The following ZFHX3 variants were observed in gnomAD, a reference collection of about 807,000 sequenced individuals.
The protein encoded by ZFHX3 is zinc finger homeobox 3.
Under a neutral mutation model 279.1 loss-of-function variants are expected in ZFHX3, and 42 were observed. The ratio of observed to expected loss-of-function variants is 0.15; its 90% CI spans 0.12 to 0.19. The LOEUF (loss-of-function observed/expected upper bound fraction) is 0.19, where lower values mean the gene tolerates loss of function less well. Ranked by LOEUF, ZFHX3 falls within the 10% of genes least tolerant of loss-of-function variation. The pLI, the probability that ZFHX3 is intolerant of heterozygous loss-of-function variation, is 1.00. For synonymous variants in ZFHX3, 2,293 were observed against 1,957.8 expected, an observed-to-expected ratio of 1.17 and a Z score of -4.52; for missense variants, 4,981 against 4,754.0, an observed-to-expected ratio of 1.05 and a Z score of -1.40.
rs575590625 is a variant in ZFHX3 at position 73,842,743 on chromosome 16, C to T, written c.-1608+48908G>A. Among the ~76,000 whole-genome samples the T allele has an allele frequency of 3.9e-5, 6 of 152,262 alleles. No individual in the cohort carries two copies. In the East Asian group the frequency reaches 9.7e-4, roughly 24 times the overall value. On this transcript the variant is annotated intron_variant, in intron 1 of 17. Transcript: ENST00000641206. ...CCTAACACTTCCACACACGGAGGTTCCAGGGTAGGGGCTGCGCAACCACCA... is the reference window on the plus strand; with the variant it reads ...CCTAACACTTCCACACACGGAGGTTTCAGGGTAGGGGCTGCGCAACCACCA...
chr16:73,517,834 C>T (rs983115715), intron 2 of ZFHX3, among the ~76,000 whole-genome samples: 2 of 152,120 alleles, frequency 1.3e-5, no homozygotes, highest in Non-Finnish European at 2.9e-5. Context: ...TGTTTTCTAA[C>T]AGAAATATCA....
chr16:73,282,414 T>A (rs2014480382), intron 4 of ZFHX3, among the ~76,000 whole-genome samples: 1 of 152,238 alleles, frequency 6.6e-6, no homozygotes, highest in Non-Finnish European at 1.5e-5. Flanking sequence ...TTATCTGTAA[T>A]TCTGTTATCT....
At chr16:73,401,705 A>G (rs1415069967) in intron 3 of ZFHX3, 1 of 152,200 alleles carries the variant, frequency 6.6e-6, no homozygotes, top group Non-Finnish European at 1.5e-5. Flanking sequence ...AAAGTGTACT[A>G]AAAATTCAAA....
At chr16:73,647,124 T>A (rs1297238728) in intron 2 of ZFHX3, among the ~76,000 whole-genome samples, 1 of 151,584 alleles carries the variant, frequency 6.6e-6, no homozygotes, top group East Asian at 2.0e-4. Context: ...GCCATTCTCC[T>A]GCCTCAGCCT....
At chr16:73,448,685 C>CTTGTGT (rs1555517513) in intron 3 of ZFHX3, among the ~76,000 whole-genome samples, 1 of 142,090 alleles carries the variant, frequency 7.0e-6, no homozygotes, top group African/African-American at 2.6e-5. Context: ...TATTTATATA[C>CTTGTGT]GTGTGTGTGT....
At chr16:73,734,088 C>T (rs1328765788) in intron 1 of ZFHX3, among the ~76,000 whole-genome samples, 1 of 152,126 alleles carries the variant, frequency 6.6e-6, no homozygotes, top group African/African-American at 2.4e-5. Flanking sequence ...CTCACATGCT[C>T]AATTCACAAT....
intron 1 of ZFHX3, among the ~76,000 whole-genome samples, chr16:73,728,040 A>G (rs2053536774): frequency 1.4e-5 from 1 of 70,440 alleles, no homozygotes; most frequent in Admixed American, 2.2e-4. Flanking sequence ...CCAATAATTC[A>G]TATGTTGAAG....
intron 5 of ZFHX3, among the ~76,000 whole-genome samples, chr16:73,252,868 C>T (rs2013551329): frequency 6.6e-6 from 1 of 152,168 alleles, no homozygotes; most frequent in Non-Finnish European, 1.5e-5. Context: ...AAGGAACAAC[C>T]AATGCAACCA....
chr16:73,248,858 TGG>T (rs1481013859), intron 5 of ZFHX3, among the ~76,000 whole-genome samples: 4 of 152,158 alleles, frequency 2.6e-5, no homozygotes, highest in African/African-American at 9.7e-5. Context: ...CTGAGCAGGA[TGG>T]TATTTTAAAA....
At position 72,787,084 on chromosome 16, in the gene ZFHX3, C is replaced by A; in HGVS notation, c.*80G>T. On this transcript the variant is annotated 3_prime_UTR_variant, in exon 10 of 10. Coordinates refer to ENST00000268489, the MANE Select transcript of ZFHX3 (RefSeq NM_006885.4). ...TTTTTGGTTAGAAGCTTTGGAATTG[C>A]AGTTAGTCTATTTTTGAAATTGGTT... The A allele has an allele frequency of 9.6e-7, 1 of 1,042,030 alleles. No homozygotes were observed. Among genetic ancestry groups the A allele is most frequent in the African/African-American group, 1.9e-5 (1 of 53,926 alleles). 64.5% of individuals were successfully genotyped at this position (1,042,030 alleles called of 1,614,324 possible).
chr16:73,304,672 G>A (rs563250577), intron 4 of ZFHX3, among the ~76,000 whole-genome samples: 8 of 152,238 alleles, frequency 5.3e-5, no homozygotes, highest in African/African-American at 1.9e-4. Context: ...CAATTTTATG[G>A]CCAACATTAC....
At chr16:73,409,283 G>A (rs1210421620) in intron 3 of ZFHX3, among the ~76,000 whole-genome samples, 2 of 152,140 alleles carry the variant, frequency 1.3e-5, no homozygotes, top group Admixed American at 6.5e-5. Context: ...GAGATATCCT[G>A]GCTGAGTCCT....
intron 4 of ZFHX3, among the ~76,000 whole-genome samples, chr16:73,307,486 T>C (rs1000241792): frequency 2.0e-5 from 3 of 152,236 alleles, no homozygotes; most frequent in African/African-American, 7.2e-5. Flanking sequence ...AAACTGCTTC[T>C]TTCTGCAAAA....
At chr16:72,993,636 TA>T (rs1238353651) in intron 1 of ZFHX3, among the ~76,000 whole-genome samples, 1 of 152,154 alleles carries the variant, frequency 6.6e-6, no homozygotes, top group Non-Finnish European at 1.5e-5. Flanking sequence ...GAAAACCCTT[TA>T]TTTTTCAAGC....
At chr16:72,999,667 C>T (rs762546579) in intron 1 of ZFHX3, among the ~76,000 whole-genome samples, 1 of 152,316 alleles carries the variant, frequency 6.6e-6, no homozygotes, top group South Asian at 2.1e-4. Flanking sequence ...GGACCCCATC[C>T]TATTGGGCAC....
chr16:73,315,888 A>C (rs1455415348), intron 4 of ZFHX3, among the ~76,000 whole-genome samples: 1 of 152,168 alleles, frequency 6.6e-6, no homozygotes, highest in Non-Finnish European at 1.5e-5. Context: ...GGGAGTTGCA[A>C]GGAAGAAGGT....
intron 5 of ZFHX3, among the ~76,000 whole-genome samples, chr16:73,180,388 TAG>T: frequency 6.6e-6 from 1 of 152,304 alleles, no homozygotes; most frequent in Non-Finnish European, 1.5e-5. Context: ...CTAGACTCAC[TAG>T]AAAGACCCAG....
intron 1 of ZFHX3, among the ~76,000 whole-genome samples, chr16:73,824,263 C>A (rs978340039): frequency 3.3e-5 from 5 of 152,114 alleles, no homozygotes; most frequent in Non-Finnish European, 7.3e-5. Context: ...CTTATCAGGA[C>A]AGAGTTGCTT....
chr16:73,709,780 C>T (rs916916513), intron 1 of ZFHX3, among the ~76,000 whole-genome samples: 4 of 152,044 alleles, frequency 2.6e-5, no homozygotes, highest in Middle Eastern at 6.8e-3. Context: ...ATGTTCTCAC[C>T]CCACACGAAA....
Sources: gnomAD v4.1 joint callset for allele counts (sites outside exome capture counted in the v4.1 genomes callset) on GRCh38, gnomAD v4.1.1 for gene constraint, MANE v1.5 for transcripts, NCBI Gene and HGNC (gene_info 2026-07-23, HGNC 2026-07-21) for gene names.